The following LHFPL3 variants were observed in gnomAD, a reference collection of about 807,000 sequenced individuals.
LHFPL3 encodes the protein LHFPL tetraspan subfamily member 3, also known as LHFPL tetraspan subfamily member 3 protein.
LHFPL3 carries 5 observed loss-of-function variants against 19.3 expected under a neutral mutation model. The ratio of observed to expected loss-of-function variants is 0.26; its 90% confidence interval spans 0.14 to 0.54. The LOEUF (loss-of-function observed/expected upper bound fraction) is 0.54, where lower values mean the gene tolerates loss of function less well. Among genes scored for constraint, LHFPL3 ranks in the 20% least tolerant of loss-of-function variants. LHFPL3 has a pLI of 0.94. For synonymous variants in LHFPL3, 133 were observed against 126.2 expected (o/e 1.05, Z -0.36); for missense variants, 249 against 307.4 (o/e 0.81, Z 1.42).
At chr7:104,691,699 G>A (rs760368000) in intron 1 of LHFPL3, among the ~76,000 whole-genome samples, 1 of 152,180 alleles carries the variant, frequency 6.6e-6, no homozygotes, top group Non-Finnish European at 1.5e-5. Flanking sequence ...TAATGTAGAT[G>A]GACCTCTCTG....
rs1185003989 is a variant in LHFPL3, at chr7:104,353,755, G to C, written c.445+24531G>C. ...GTTTAAGGAGCCTTGGAATATACCA[G>C]TGTAGTTCTGGGCACTTTATATACA... On this transcript the variant is annotated intron_variant, in intron 1 of 2. Transcript: ENST00000424859. Among the ~76,000 whole-genome samples, 5 of 152,206 alleles carry C rather than the reference G, an allele frequency of 3.3e-5. No homozygotes were observed. In the East Asian group the frequency reaches 9.6e-4, roughly 29 times the overall value.
chr7:104,868,244 G>A (rs1426224673), intron 2 of LHFPL3, among the ~76,000 whole-genome samples: 1 of 152,090 alleles, frequency 6.6e-6, no homozygotes, highest in Admixed American at 6.5e-5. Flanking sequence ...TCAGGCAGGA[G>A]AAGGAAATAA....
chr7:104,890,424 G>A (rs1009488368), intron 2 of LHFPL3, among the ~76,000 whole-genome samples: 14 of 152,180 alleles, frequency 9.2e-5, no homozygotes, highest in Non-Finnish European at 1.3e-4. Flanking sequence ...ACAACGCCCC[G>A]TGGAGCTCAG....
At chr7:104,777,390 C>T (rs1430047434) in intron 2 of LHFPL3, among the ~76,000 whole-genome samples, 1 of 152,106 alleles carries the variant, frequency 6.6e-6, no homozygotes, top group Non-Finnish European at 1.5e-5. Flanking sequence ...ATTAATAAGC[C>T]CTGAAGTCAT....
At chr7:104,603,179 CT>C (rs1454228194) in intron 1 of LHFPL3, among the ~76,000 whole-genome samples, 70 of 137,112 alleles carry the variant, frequency 5.1e-4, no homozygotes, top group East Asian at 3.4e-3. Context: ...TTCTTTCTTT[CT>C]TTCTTCCTTT....
At chr7:104,475,069 A>C (rs901894464) in intron 1 of LHFPL3, among the ~76,000 whole-genome samples, 5 of 152,226 alleles carry the variant, frequency 3.3e-5, no homozygotes, top group African/African-American at 9.6e-5. Flanking sequence ...AAATAGAATC[A>C]GTTTAACAGC....
At chr7:104,769,763 C>T (rs1256139585) in intron 2 of LHFPL3, among the ~76,000 whole-genome samples, 1 of 152,014 alleles carries the variant, frequency 6.6e-6, no homozygotes, top group Non-Finnish European at 1.5e-5. Context: ...TCCACAATAG[C>T]AAAGACTTGG....
intron 1 of LHFPL3, among the ~76,000 whole-genome samples, chr7:104,677,302 C>T (rs78741602): frequency 0.088 from 13,194 of 150,760 alleles, 772 homozygotes; most frequent in Middle Eastern, 0.14. Flanking sequence ...ATTTGAGCCT[C>T]GGAGTTCAAG....
At chr7:104,754,417 T>C (rs930611946) in intron 2 of LHFPL3, among the ~76,000 whole-genome samples, 1 of 151,944 alleles carries the variant, frequency 6.6e-6, no homozygotes, top group Non-Finnish European at 1.5e-5. Flanking sequence ...GAAAGGACAG[T>C]GTGGTATAGG....
intron 1 of LHFPL3, among the ~76,000 whole-genome samples, chr7:104,557,995 A>C (rs1280162752): frequency 1.3e-5 from 2 of 150,670 alleles, no homozygotes; most frequent in East Asian, 3.9e-4. Context: ...ATGTCCCTAC[A>C]AAGGACATGA....
At chr7:104,414,871 C>T (rs1295830706) in intron 1 of LHFPL3, among the ~76,000 whole-genome samples, 1 of 152,128 alleles carries the variant, frequency 6.6e-6, no homozygotes, top group African/African-American at 2.4e-5. Context: ...AGTCACCATT[C>T]CAAATGAGTG....
At position 104,870,969 on chromosome 7, in the gene LHFPL3, G is replaced by A. The variant is rs2430481; in HGVS notation, c.683-35218G>A. Among the ~76,000 whole-genome samples, 1,200 of 152,310 alleles carry A rather than the reference G, an allele frequency of 7.9e-3. 17 individuals are homozygous for A. The highest frequency in any genetic ancestry group is 0.043 in the East Asian group (220 of 5,176). ...AGTGTAAATGAACCTGGTCATGAGA[G>A]GTCCCTGTTCTCTAGGCCAAGGTGG... On this transcript the variant is annotated intron_variant, in intron 2 of 2. Coordinates refer to ENST00000424859, the MANE Select transcript of LHFPL3 (RefSeq NM_199000.3).
At chr7:104,779,844 T>G (rs1383247377) in intron 2 of LHFPL3, among the ~76,000 whole-genome samples, 1 of 152,246 alleles carries the variant, frequency 6.6e-6, no homozygotes, top group Admixed American at 6.5e-5. Flanking sequence ...TCTGCAAGAC[T>G]CCGTCGCCGG....
intron 1 of LHFPL3, among the ~76,000 whole-genome samples, chr7:104,511,427 C>T (rs559619799): frequency 2.0e-5 from 3 of 152,180 alleles, no homozygotes; most frequent in Admixed American, 6.6e-5. Flanking sequence ...AACACTGAAA[C>T]ATGCAATTAC....
intron 2 of LHFPL3, among the ~76,000 whole-genome samples, chr7:104,853,615 A>G (rs1423666106): frequency 6.6e-6 from 1 of 152,240 alleles, no homozygotes; most frequent in Non-Finnish European, 1.5e-5. Context: ...ATTTATTTTT[A>G]TTTACTTAGA....
intron 1 of LHFPL3, among the ~76,000 whole-genome samples, chr7:104,595,145 T>G (rs926776564): frequency 2.6e-5 from 4 of 152,238 alleles, no homozygotes; most frequent in Admixed American, 6.5e-5. Context: ...TTTTCAGCTT[T>G]TCTGCTCTGG....
At chr7:104,432,586 C>A (rs1260265861) in intron 1 of LHFPL3, among the ~76,000 whole-genome samples, 1 of 152,104 alleles carries the variant, frequency 6.6e-6, no homozygotes, top group Non-Finnish European at 1.5e-5. Context: ...CCATCTATTT[C>A]CAGCTCCATA....
chr7:104,615,961 C>A (rs1285932759), intron 1 of LHFPL3, among the ~76,000 whole-genome samples: 1 of 152,048 alleles, frequency 6.6e-6, no homozygotes, highest in Non-Finnish European at 1.5e-5. Context: ...AGGAGAACTA[C>A]AAACCACTGC....
At position 104,396,667 on chromosome 7, in the gene LHFPL3, T is replaced by C. The variant is rs1296381820; in HGVS notation, c.445+67443T>C. On this transcript the variant is annotated intron_variant, in intron 1 of 2. Coordinates refer to ENST00000424859, the MANE Select transcript of LHFPL3 (RefSeq NM_199000.3). Reference sequence around the variant, plus strand: ...GAAAAAAAAAAAAAAAGATAAAAAGTGTGCAGAGGGCAGGCGCAGTGGCTC... The same window carrying C: ...GAAAAAAAAAAAAAAAGATAAAAAGCGTGCAGAGGGCAGGCGCAGTGGCTC... Among the ~76,000 whole-genome samples the C allele has an allele frequency of 2.7e-5, 4 of 145,716 alleles. No homozygotes were observed. In the East Asian group the frequency reaches 5.9e-4, roughly 22 times the overall value.
Sources: gnomAD v4.1 joint callset for allele counts (sites outside exome capture counted in the v4.1 genomes callset) on GRCh38, gnomAD v4.1.1 for gene constraint, MANE v1.5 for transcripts, NCBI Gene and HGNC (gene_info 2026-07-23, HGNC 2026-07-21) for gene names.